The following ABRA variants were observed in gnomAD, a reference collection of about 807,000 sequenced individuals.
ABRA encodes actin-binding Rho-activating protein.
ABRA carries 25 observed loss-of-function variants against 33.4 expected under a neutral mutation model. That is an observed-to-expected ratio of 0.75 (90% CI 0.55 to 1.04). The LOEUF is 1.04. Among genes scored for constraint, ABRA ranks in the 50% least tolerant of loss-of-function variants. The pLI is 0.00. For synonymous variants in ABRA, 193 were observed against 176.8 expected (o/e 1.09, Z -0.73); for missense variants, 501 against 491.7 (o/e 1.02, Z -0.18).
rs1314835499 is a variant in ABRA, at chr8:106,760,481, T to G, written c.*556A>C. On this transcript the variant is annotated 3_prime_UTR_variant, in exon 2 of 2. Coordinates refer to ENST00000311955, the MANE Select transcript of ABRA (RefSeq NM_139166.5). ...GCTTCTGAAAAAATTTTAAGTTTAG[T>G]TTTACCAAACTTAATGGTATTTTCT... 1 of 152,212 alleles carries G rather than the reference T, an allele frequency of 6.6e-6. No homozygotes were observed. The highest frequency in any genetic ancestry group is 1.5e-5 in the Non-Finnish European group (1 of 68,048). The allele number at this position is 152,212 out of a possible 1,614,324, so 9.4% of individuals were successfully genotyped here.
chr8:106,761,000 C>A lies in ABRA; in HGVS notation c.*37G>T. Reference sequence around the variant, plus strand: ...CCTACATGAGCATTTAGCATTAAGACCATAGTGGGCCAAATTTGGCTTTTG... The same window carrying A: ...CCTACATGAGCATTTAGCATTAAGAACATAGTGGGCCAAATTTGGCTTTTG... On this transcript the variant is annotated 3_prime_UTR_variant, in exon 2 of 2. Coordinates refer to ENST00000311955, the MANE Select transcript of ABRA (RefSeq NM_139166.5). 1 of 1,578,136 alleles carries A rather than the reference C, an allele frequency of 6.3e-7. No homozygotes were observed. The highest frequency in any genetic ancestry group is 8.7e-7 in the Non-Finnish European group (1 of 1,153,556).
chr8:106,763,355 T>A (rs939573232), intron 1 of ABRA, among the ~76,000 whole-genome samples: 1 of 152,228 alleles, frequency 6.6e-6, no homozygotes, highest in African/African-American at 2.4e-5. Context: ...AACACCACTA[T>A]CCTTTATACA....
chr8:106,769,600 T>C lies in ABRA; in HGVS notation c.591A>G (p.Gly197=). 6.2e-7 allele frequency: 1 copy of C among 1,614,152 alleles called. No homozygotes were observed. Among genetic ancestry groups the C allele is most frequent in the Non-Finnish European group, 8.5e-7 (1 of 1,180,016 alleles). Residue 197 remains glycine, a synonymous_variant, in exon 1 of 2, where the codon GGA becomes GGG. Coordinates refer to ENST00000311955, the MANE Select transcript of ABRA (RefSeq NM_139166.5). The part of the protein sequence containing the change: ...DSVDTEDSGY[G]GEAEERPEQD... ...GCTCGGGCCTCTCCTCAGCCTCTCC[T>C]CCATAGCCGCTGTCCTCTGTGTCTA...
intron 1 of ABRA, among the ~76,000 whole-genome samples, chr8:106,768,851 G>A (rs1187897392): frequency 6.6e-6 from 1 of 152,152 alleles, no homozygotes; most frequent in Non-Finnish European, 1.5e-5. Context: ...TGGTCAGGCT[G>A]GTCTCAAACT....
At position 106,769,615 on chromosome 8, in the gene ABRA, C is replaced by T. The variant is rs970496138; in HGVS notation, c.576G>A (p.Glu192=). The T allele has an allele frequency of 6.2e-7, 1 of 1,614,220 alleles. No individual in the cohort carries two copies. Among genetic ancestry groups the T allele is most frequent in the Non-Finnish European group, 8.5e-7 (1 of 1,180,034 alleles). The change falls in exon 1 of 2, where the codon GAG becomes GAA. Residue 192 remains glutamate (E), a synonymous_variant. Coordinates refer to ENST00000311955, the MANE Select transcript of ABRA (RefSeq NM_139166.5). ...CAGCCTCTCCTCCATAGCCGCTGTC[C>T]TCTGTGTCTACGCTGTCACTCCTCC... ...PTWRSDSVDT[E]DSGYGGEAEE... is the part of the protein sequence containing the mutation.
intron 1 of ABRA, among the ~76,000 whole-genome samples, chr8:106,766,419 A>G (rs1836221932): frequency 6.6e-6 from 1 of 152,130 alleles, no homozygotes; most frequent in Admixed American, 6.5e-5. Context: ...ATTGGCAGAT[A>G]CAGGGAGAGA....
chr8:106,766,872 G>A (rs561708829), intron 1 of ABRA, among the ~76,000 whole-genome samples: 22 of 152,216 alleles, frequency 1.4e-4, no homozygotes, highest in African/African-American at 5.1e-4. Context: ...TTTTAGATAA[G>A]GACCGAGAGA....
chr8:106,763,321 G>T (rs1236978996), intron 1 of ABRA, among the ~76,000 whole-genome samples: 1 of 152,078 alleles, frequency 6.6e-6, no homozygotes, highest in African/African-American at 2.4e-5. Context: ...CAATAGAATT[G>T]GAATTGGAAA....
At chr8:106,768,057 T>C (rs1292876043) in intron 1 of ABRA, among the ~76,000 whole-genome samples, 1 of 150,636 alleles carries the variant, frequency 6.6e-6, no homozygotes, top group Non-Finnish European at 1.5e-5. Flanking sequence ...GTCGTGCCAC[T>C]GTACTCCAGC....
chr8:106,767,946 T>C (rs1810528523), intron 1 of ABRA, among the ~76,000 whole-genome samples: 1 of 152,020 alleles, frequency 6.6e-6, no homozygotes. Context: ...AATACAAAAA[T>C]TAGCTGGGCG....
chr8:106,763,126 C>G (rs952591341), intron 1 of ABRA, among the ~76,000 whole-genome samples: 1 of 152,184 alleles, frequency 6.6e-6, no homozygotes, highest in African/African-American at 2.4e-5. Context: ...CCCTCACCAT[C>G]CAAACTCACT....
chr8:106,769,899 C>A lies in ABRA; in HGVS notation c.292G>T (p.Ala98Ser). The A allele has an allele frequency of 6.2e-7, 1 of 1,614,102 alleles. No individual in the cohort carries two copies. The highest frequency in any genetic ancestry group is 8.5e-7 in the Non-Finnish European group (1 of 1,180,026). Residue 98 changes from alanine to serine, a missense_variant, in exon 1 of 2, where the codon GCC (alanine) becomes TCC (serine). Ala to Ser is a moderately conservative substitution (Grantham distance 99). Coordinates refer to ENST00000311955, the MANE Select transcript of ABRA (RefSeq NM_139166.5). ...GHGDGQSSEKAPEVSHIKKKE... is the reference protein window; with the variant it reads ...GHGDGQSSEKSPEVSHIKKKE... ...TTTTTGATGTGAGAAACCTCAGGGGCTTTCTCTGAGCTTTGTCCATCTCCA... is the reference window on the plus strand; with the variant it reads ...TTTTTGATGTGAGAAACCTCAGGGGATTTCTCTGAGCTTTGTCCATCTCCA...
intron 1 of ABRA, among the ~76,000 whole-genome samples, chr8:106,764,346 G>A (rs1040337905): frequency 6.6e-6 from 1 of 152,078 alleles, no homozygotes; most frequent in African/African-American, 2.4e-5. Context: ...ATTGGTGTGT[G>A]CCAATAAATC....
In ABRA at chr8:106,770,163, C is replaced by G; in HGVS notation, c.28G>C (p.Glu10Gln). MAPGEKESG[E>Q]GPAKSALRKI... ...CGGAGGGCGCTCTTGGCTGGGCCCT[C>G]CCCGCTTTCCTTTTCGCCCGGAGCC... The change falls in exon 1 of 2, where the codon GAG becomes CAG. Residue 10 changes from glutamate (E) to glutamine (Q), a missense_variant. Glu to Gln is a conservative substitution (Grantham distance 29, BLOSUM62 2). Coordinates refer to ENST00000311955, the MANE Select transcript of ABRA (RefSeq NM_139166.5). The G allele has an allele frequency of 6.2e-7, 1 of 1,611,438 alleles. No individual in the cohort carries two copies. The highest frequency in any genetic ancestry group is 8.5e-7 in the Non-Finnish European group (1 of 1,179,572).
In ABRA at chr8:106,760,854, T is replaced by C. The variant is rs945155542; in HGVS notation, c.*183A>G. ...TCTATGTGCTTTCTGAAATGCTTTG[T>C]GCCTTCTCAAAATCTCCAAAATTCC... On this transcript the variant is annotated 3_prime_UTR_variant, in exon 2 of 2. Coordinates refer to ENST00000311955, the MANE Select transcript of ABRA (RefSeq NM_139166.5). 9.8e-5 allele frequency: 61 copies of C among 622,400 alleles called. No homozygotes were observed. Among genetic ancestry groups the C allele is most frequent in the Non-Finnish European group, 2.8e-5 (10 of 351,990 alleles). The allele number at this position is 622,400 out of a possible 1,614,324, so 38.6% of individuals were successfully genotyped here.
At chr8:106,764,892 T>G (rs976188166) in intron 1 of ABRA, among the ~76,000 whole-genome samples, 2 of 152,180 alleles carry the variant, frequency 1.3e-5, no homozygotes, top group African/African-American at 4.8e-5. Flanking sequence ...TGTATTGTTT[T>G]TATATCTCCA....
rs912722153 is a variant in ABRA, at chr8:106,761,289, C to A, written c.894G>T (p.Arg298Ser). 7 of 1,614,054 alleles carry A rather than the reference C, an allele frequency of 4.3e-6. No individual in the cohort carries two copies. The highest frequency in any genetic ancestry group is 5.9e-6 in the Non-Finnish European group (7 of 1,180,048). Reference protein sequence around the residue: ...RPKEGTKTAERAKRAEEHIYR... With the variant: ...RPKEGTKTAESAKRAEEHIYR... ...AGATGTGCTCCTCAGCACGCTTGGC[C>A]CTTTCAGCAGTTTTGGTTCCTTCTT... is the stretch of plus-strand genomic sequence containing the variant. The change falls in exon 2 of 2, where the codon AGG (arginine) becomes AGT (serine). Residue 298 changes from arginine to serine, a missense_variant. Coordinates refer to ENST00000311955, the MANE Select transcript of ABRA (RefSeq NM_139166.5).
chr8:106,767,897 C>T (rs1810525077), intron 1 of ABRA, among the ~76,000 whole-genome samples: 1 of 152,052 alleles, frequency 6.6e-6, no homozygotes, highest in South Asian at 2.1e-4. Context: ...GAGTTCGAGA[C>T]CAGCCTGGCT....
Position 106,761,295 on chromosome 8 carries a change from A to G in ABRA, c.888T>C (p.Ala296=). 1 of 1,614,184 alleles carries G rather than the reference A, an allele frequency of 6.2e-7. No homozygotes were observed. The highest frequency in any genetic ancestry group is 1.3e-5 in the African/African-American group (1 of 75,052). The change falls in exon 2 of 2, where the codon GCT becomes GCC. Residue 296 remains alanine, a synonymous_variant. Transcript: ENST00000311955. ...YGRPKEGTKT[A]ERAKRAEEHI... ...GCTCCTCAGCACGCTTGGCCCTTTC[A>G]GCAGTTTTGGTTCCTTCTTTGGGGC...
Sources: allele counts gnomAD v4.1 joint callset (sites outside exome capture counted in the v4.1 genomes callset), GRCh38; gene constraint gnomAD v4.1.1; transcripts MANE v1.5; gene names NCBI Gene and HGNC (gene_info 2026-07-23, HGNC 2026-07-21).